HPD: variants seen among roughly 807,000 people sequenced by gnomAD.
HPD encodes the protein 4-hydroxyphenylpyruvic acid oxidase.
In HPD, 35 loss-of-function variants were observed where a neutral mutation model predicts 56.9. The ratio of observed to expected loss-of-function variants is 0.62; its 90% CI spans 0.47 to 0.82. The LOEUF is 0.82. Ranked by LOEUF, HPD falls within the 40% of genes least tolerant of loss-of-function variation. HPD has a pLI of 0.00. For missense variants in HPD, 442 were observed against 506.8 expected (o/e 0.87, Z 1.23); for synonymous variants, 186 against 200.2 (o/e 0.93, Z 0.60).
upstream of HPD, among the ~76,000 whole-genome samples, chr12:121,867,442 T>C (rs1210176993): frequency 6.6e-6 from 1 of 152,032 alleles, no homozygotes; most frequent in Non-Finnish European, 1.5e-5. Flanking sequence ...CTTTTTTTTT[T>C]AGACAAGGTC....
upstream of HPD, among the ~76,000 whole-genome samples, chr12:121,862,573 AGGCGTGAGCCACCGCTCTC>A (rs1376065244): frequency 7.9e-6 from 1 of 126,088 alleles, no homozygotes; most frequent in African/African-American, 3.1e-5. Context: ...CTGGGATTAC[AGGCGTGAGCCACCGCTCTC>A]GGCCTTTTTT....
Position 121,857,945 on chromosome 12 carries a change from AC to A in HPD, c.31-127del, listed in dbSNP as rs1347522087. ...AACCACAGAACTTAGGAGCAGCGGA[AC>A]CCCATGCAGCCTTGCCAAGCCTCAA... is the stretch of plus-strand genomic sequence containing the variant. On this transcript the variant is annotated intron_variant, in intron 2 of 13. Transcript: ENST00000289004. 3 of 750,160 alleles carry A rather than the reference AC, an allele frequency of 4.0e-6. No homozygotes were observed. The African/African-American group carries it at 5.2e-5, about 13-fold the overall frequency. 46.5% of individuals were successfully genotyped at this position (750,160 alleles called of 1,614,324 possible).
At chr12:121,849,263 C>G (rs549597228) in intron 8 of HPD, among the ~76,000 whole-genome samples, 187 bp from the exon 9 acceptor site, 2 of 151,916 alleles carry the variant, frequency 1.3e-5, no homozygotes, top group Admixed American at 1.3e-4. Context: ...CTCTGGGGCT[C>G]AAGTGAACCT....
chr12:121,878,805 C>T, the HPD span, among the ~76,000 whole-genome samples: 1 of 151,792 alleles, frequency 6.6e-6, no homozygotes, highest in Non-Finnish European at 1.5e-5. Context: ...TCCCCAGCAG[C>T]TGGGACTACA....
At chr12:121,883,683 T>TTC in the HPD span, among the ~76,000 whole-genome samples, 68 of 47,262 alleles carry the variant, frequency 1.4e-3, no homozygotes, top group Admixed American at 3.0e-3. Context: ...TCCTTCTTTC[T>TTC]TTTTTTTTTT....
chr12:121,857,290 G>A, intron 4 of HPD, 38 bp downstream of exon 4: 3 of 1,340,014 alleles, frequency 2.2e-6, no homozygotes, highest in East Asian at 4.6e-5. Context: ...ATGTTGGCCA[G>A]GCAGGGGTTG....
intron 9 of HPD, 76 bp downstream of exon 9, chr12:121,848,923 G>T: frequency 9.3e-7 from 1 of 1,078,958 alleles, no homozygotes; most frequent in Non-Finnish European, 1.4e-6. Context: ...CCATGTTAGT[G>T]CAAGGACCAG....
At chr12:121,883,510 A>G in the HPD span, among the ~76,000 whole-genome samples, 2 of 151,952 alleles carry the variant, frequency 1.3e-5, no homozygotes, top group Non-Finnish European at 2.9e-5. Context: ...GAGGTTTATT[A>G]TAATGACAGC....
chr12:121,879,287 A>T, the HPD span, among the ~76,000 whole-genome samples: 1 of 152,086 alleles, frequency 6.6e-6, no homozygotes, highest in Non-Finnish European at 1.5e-5. Context: ...AAATAAATAA[A>T]TAAATAATTA....
chr12:121,843,596 T>C (rs1877475643), intron 12 of HPD, 114 bp downstream of exon 12: 1 of 1,210,530 alleles, frequency 8.3e-7, no homozygotes, highest in South Asian at 1.3e-5. Context: ...AAATGTCCTT[T>C]GCCAGCAGGG....
At chr12:121,884,784 AC>A in the HPD span, among the ~76,000 whole-genome samples, 14 of 152,142 alleles carry the variant, frequency 9.2e-5, no homozygotes, top group Admixed American at 7.9e-4. Flanking sequence ...CCAATTATTT[AC>A]ATTTTGTAAA....
intron 8 of HPD, among the ~76,000 whole-genome samples, chr12:121,849,391 TA>T (rs1159420008): frequency 1.3e-5 from 2 of 152,014 alleles, no homozygotes; most frequent in African/African-American, 4.8e-5. Context: ...CATTTACTAT[TA>T]CAGTCCCCAT....
intron 8 of HPD, 140 bp from the exon 9 acceptor site, chr12:121,849,216 A>AAG: frequency 8.8e-6 from 5 of 571,332 alleles, no homozygotes; most frequent in Middle Eastern, 7.4e-4. Context: ...TCTCTACAAA[A>AAG]AGAGAGACTC....
rs1287312088 is a variant in HPD, at chr12:121,843,918, AG to A, written c.832-87del. ...TGGAGGTGCTGGGTCATCAGGATAC[AG>A]GGTCCCTATCCTAGCTCCCCTCAAC... On this transcript the variant is annotated intron_variant, in intron 11 of 13. Transcript: ENST00000289004. 2.0e-6 allele frequency: 3 copies of A among 1,534,736 alleles called. No homozygotes were observed. The Admixed American group carries it at 5.0e-5, about 26-fold the overall frequency.
At chr12:121,857,588 T>C in intron 3 of HPD, 156 bp from the exon 4 acceptor site, 1 of 827,896 alleles carries the variant, frequency 1.2e-6, no homozygotes, top group Admixed American at 2.0e-5. Context: ...CACATTTTGC[T>C]GACAGATAAC....
intron 9 of HPD, 42 bp from the exon 10 acceptor site, chr12:121,847,256 C>A: frequency 6.2e-7 from 1 of 1,601,522 alleles, no homozygotes; most frequent in Non-Finnish European, 8.6e-7. Context: ...TGAGCGCCTC[C>A]AGGGACGGCC....
intron 7 of HPD, among the ~76,000 whole-genome samples, chr12:121,850,750 G>A (rs1194603776): frequency 2.4e-4 from 35 of 144,012 alleles, no homozygotes; most frequent in Non-Finnish European, 2.3e-4. Context: ...CCAGGCTAGA[G>A]TGTAGTGGTG....
upstream of HPD, among the ~76,000 whole-genome samples, chr12:121,859,834 C>G (rs1304072333): frequency 6.6e-6 from 1 of 152,218 alleles, no homozygotes. Flanking sequence ...CAGTGTGCTC[C>G]CAGTGTCCAC....
chr12:121,870,112 G>GA, the HPD span, among the ~76,000 whole-genome samples: 2 of 150,750 alleles, frequency 1.3e-5, no homozygotes, highest in Non-Finnish European at 3.0e-5. Context: ...AGCTTAAAAG[G>GA]AAAAAATCTT....
Sources: allele counts gnomAD v4.1 joint callset (sites outside exome capture counted in the v4.1 genomes callset), GRCh38; gene constraint gnomAD v4.1.1; transcripts MANE v1.5; gene names NCBI Gene and HGNC (gene_info 2026-07-23, HGNC 2026-07-21).